The following ANKLE2 variants were observed in gnomAD, a reference collection of about 807,000 sequenced individuals.
ANKLE2 encodes the protein ankyrin repeat and LEM domain-containing protein 2.
ANKLE2 carries 55 observed loss-of-function variants against 84.2 expected under a neutral mutation model. The observed-to-expected ratio is 0.65, with a 90% CI of 0.53 to 0.82. ANKLE2 has a LOEUF of 0.82. ANKLE2 is among the 40% of genes least tolerant of loss of function. The pLI is 0.00. For missense variants in ANKLE2, 1,238 were observed against 1,201.9 expected (o/e 1.03, Z -0.44); for synonymous variants, 551 against 486.1 (o/e 1.13, Z -1.76).
chr12:132,751,838 C>T (rs1172362920), intron 2 of ANKLE2, among the ~76,000 whole-genome samples: 1 of 152,118 alleles, frequency 6.6e-6, no homozygotes, highest in Admixed American at 6.6e-5. Context: ...CCACTGTACC[C>T]GGCTGGGAAT....
chr12:132,760,767 AACTTCATTTC>A (rs2044608910), intron 1 of ANKLE2: 1 of 152,152 alleles, frequency 6.6e-6, no homozygotes, highest in African/African-American at 2.4e-5. Flanking sequence ...TTTTTACAGG[AACTTCATTTC>A]ACAGGCGTGA....
chr12:132,759,696 T>C (rs1179800243), intron 1 of ANKLE2: 2 of 147,148 alleles, frequency 1.4e-5, no homozygotes, highest in Non-Finnish European at 1.5e-5. Context: ...GCCTGGATGA[T>C]GCCGCTGGTG....
At chr12:132,733,401 T>G (rs1343028101) in intron 10 of ANKLE2, among the ~76,000 whole-genome samples, 86 of 89,064 alleles carry the variant, frequency 9.7e-4, no homozygotes, top group Middle Eastern at 0.011. Context: ...CGTGTGAAGC[T>G]CTCTGCGTCC....
chr12:132,741,641 G>A (rs1485599595), intron 6 of ANKLE2, 156 bp from the exon 7 acceptor site: 2 of 746,726 alleles, frequency 2.7e-6, no homozygotes, highest in Non-Finnish European at 4.5e-6. Flanking sequence ...CGTGTGAAGA[G>A]TGTGGTCTTT....
chr12:132,730,490 A>C, intron 10 of ANKLE2: 2 of 516,644 alleles, frequency 3.9e-6, no homozygotes, highest in Non-Finnish European at 6.8e-6. Context: ...CACCCACACG[A>C]CTCCCTGGAA....
At chr12:132,737,174 G>T in intron 7 of ANKLE2, 109 bp from the exon 8 acceptor site, 3 of 1,210,928 alleles carry the variant, frequency 2.5e-6, no homozygotes, top group Non-Finnish European at 1.1e-6. Context: ...TCTGCAAATG[G>T]ATCCAACAGA....
In ANKLE2 at chr12:132,743,658, TTA is replaced by T. The variant is rs2044177217; in HGVS notation, c.1231-384_1231-383del. 2.8e-5 allele frequency among the ~76,000 whole-genome samples: 3 copies of T among 105,450 alleles called. No homozygotes were observed. The South Asian group carries it at 9.2e-4, about 32-fold the overall frequency. 69.2% of individuals were successfully genotyped at this position (105,450 alleles called of 152,430 possible). A position where few individuals can be genotyped will look rare whatever the true frequency, so the allele number is the denominator to read the frequency against. On this transcript the variant is annotated intron_variant, in intron 5 of 12. Transcript: ENST00000357997. This position sits in a 1 kb window ranked among gnomAD's most constrained non-coding sequence, Gnocchi z 4.1. ...GTCACCGAGCCTGGCTTATACTTTT[TTA>T]AAAAAAAAAAGACTCACAAACAAAA... is the stretch of plus-strand genomic sequence containing the variant.
At chr12:132,754,630 G>T in intron 2 of ANKLE2, 45 bp downstream of exon 2, 1 of 1,528,920 alleles carries the variant, frequency 6.5e-7, no homozygotes, top group South Asian at 1.3e-5. Flanking sequence ...GCCCCTCCGC[G>T]TATGTGCTAT....
At chr12:132,747,723 T>C (rs1325826153) in intron 5 of ANKLE2, 109 bp downstream of exon 5, 2 of 1,382,528 alleles carry the variant, frequency 1.4e-6, no homozygotes, top group Non-Finnish European at 1.9e-6. Context: ...GATGTATCTT[T>C]TCCCCAAAGT....
At chr12:132,740,432 A>G (rs2044097742) in intron 7 of ANKLE2, among the ~76,000 whole-genome samples, 1 of 152,234 alleles carries the variant, frequency 6.6e-6, no homozygotes, top group African/African-American at 2.4e-5. Flanking sequence ...GAACCCGGAC[A>G]GTGTGCAAAT....
intron 6 of ANKLE2, chr12:132,742,298 C>T (rs1281686895): frequency 6.4e-6 from 1 of 157,318 alleles, no homozygotes; most frequent in Non-Finnish European, 1.4e-5. Flanking sequence ...TCTTTTTGAT[C>T]AAGCAGTATT....
intron 5 of ANKLE2, among the ~76,000 whole-genome samples, chr12:132,744,607 C>T (rs2136148891): frequency 6.6e-6 from 1 of 152,256 alleles, no homozygotes; most frequent in Non-Finnish European, 1.5e-5. Context: ...TTGCATATAC[C>T]ACCACGCTAC....
chr12:132,741,763 A>G (rs1459463646), intron 6 of ANKLE2: 13 of 574,052 alleles, frequency 2.3e-5, no homozygotes, highest in Non-Finnish European at 3.9e-5. Context: ...AGGAAAAGGT[A>G]CCAGCGCATC....
rs1466859736 is a variant in ANKLE2, at chr12:132,734,590, A to G, written c.1701-15T>C. 1 of 1,595,362 alleles carries G rather than the reference A, an allele frequency of 6.3e-7. No homozygotes were observed. On this transcript the variant is annotated splice_polypyrimidine_tract_variant and intron_variant, in intron 9 of 12. Coordinates refer to ENST00000357997, the MANE Select transcript of ANKLE2 (RefSeq NM_015114.3). ...GAGCTAGCTCCCTGTAAGAAACAAA[A>G]CACAATTAACCAGCTGTGAAACCAG...
At chr12:132,745,429 C>A in intron 5 of ANKLE2, 1 of 155,206 alleles carries the variant, frequency 6.4e-6, no homozygotes, top group South Asian at 1.8e-4. Context: ...ACGGAACCCT[C>A]TCTAACGCCT....
At chr12:132,755,352 C>T (rs1057138715) in intron 1 of ANKLE2, 27 of 441,916 alleles carry the variant, frequency 6.1e-5, no homozygotes, top group Non-Finnish European at 9.2e-5. Context: ...GAGACCAGCC[C>T]GGCCAACATG....
chr12:132,753,925 T>C (rs1461350869), intron 2 of ANKLE2, among the ~76,000 whole-genome samples: 3 of 152,020 alleles, frequency 2.0e-5, no homozygotes, highest in African/African-American at 7.2e-5. Flanking sequence ...AGTAACACCC[T>C]GTTTCAGATG....
chr12:132,752,277 T>A (rs902555783), intron 2 of ANKLE2, among the ~76,000 whole-genome samples: 1 of 151,804 alleles, frequency 6.6e-6, no homozygotes, highest in Non-Finnish European at 1.5e-5. Context: ...AAGGCAGAGG[T>A]TGGAGTGAGC....
intron 11 of ANKLE2, among the ~76,000 whole-genome samples, chr12:132,728,418 T>G (rs549551889): frequency 1.3e-5 from 2 of 152,254 alleles, no homozygotes; most frequent in South Asian, 2.1e-4. Flanking sequence ...TTATTAGAGA[T>G]AGGATTTCAC....
Sources: allele counts gnomAD v4.1 joint callset (sites outside exome capture counted in the v4.1 genomes callset), GRCh38; gene constraint gnomAD v4.1.1; non-coding constraint Gnocchi (gnomAD v3.1); transcripts MANE v1.5; gene names NCBI Gene and HGNC (gene_info 2026-07-23, HGNC 2026-07-21).